Variants in SIRPG observed in about 807,000 individuals in gnomAD.
SIRPG encodes the protein signal-regulatory protein gamma.
In SIRPG, 38 loss-of-function variants were observed where a neutral mutation model predicts 35.7. The observed-to-expected ratio is 1.06, with a 90% confidence interval of 0.82 to 1.40. SIRPG has a LOEUF of 1.40. Among genes scored for constraint, SIRPG ranks in the 40% most tolerant of loss-of-function variants. SIRPG has a pLI of 0.00. For missense variants in SIRPG, 519 were observed against 483.0 expected (o/e 1.07, Z -0.70); for synonymous variants, 215 against 190.4 (o/e 1.13, Z -1.06).
rs547683741 is a variant in SIRPG at position 1,634,905 on chromosome 20, T to C, written c.1081+362A>G. ...AAAAATACAAAAAATTAGTCGGGCG[T>C]GGTGGCGGGCGCCTGTAGTCCCAGC... On this transcript the variant is annotated intron_variant, in intron 4 of 5. Transcript: ENST00000303415. 5.3e-4 allele frequency among the ~76,000 whole-genome samples: 80 copies of C among 151,406 alleles called. 2 individuals carry two copies. Among genetic ancestry groups the C allele is most frequent in the African/African-American group, 1.7e-3 (72 of 41,328 alleles).
At chr20:1,672,381 G>A in the SIRPG span, among the ~76,000 whole-genome samples, 1 of 152,090 alleles carries the variant, frequency 6.6e-6, no homozygotes, top group African/African-American at 2.4e-5. Context: ...AAGTAATTAA[G>A]GCTAAAGCTT....
rs71193923 is a variant in SIRPG, at chr20:1,650,004, G to GTATATATATATATA, written c.74-610_74-597dup. ...ACTCCTGAACTCTACTTTGAAGTGT[G>GTATATATATATATA]TATATATATATATATATATATATGT... On this transcript the variant is annotated intron_variant, in intron 1 of 5. Transcript: ENST00000303415. Among the ~76,000 whole-genome samples the GTATATATATATATA allele has an allele frequency of 5.2e-4, 51 of 98,796 alleles. 1 individual carries two copies. The highest frequency in any genetic ancestry group is 1.6e-3 in the African/African-American group (41 of 25,706). 64.8% of individuals were successfully genotyped at this position (98,796 alleles called of 152,430 possible). A position where few individuals can be genotyped will look rare whatever the true frequency, so the allele number is the denominator to read the frequency against.
Position 1,636,381 on chromosome 20 carries a change from A to G in SIRPG, c.555T>C (p.Asn185=). ...PRDITLKWFK[N]GNELSDFQTN... ...TCTGGAAGTCTGAGAGCTCATTCCC[A>G]TTTTTGAACCATTTCAGGGTGATGT... The change falls in exon 3 of 6, where the codon AAT becomes AAC. Residue 185 remains asparagine (N), a synonymous_variant. Coordinates refer to ENST00000303415, the MANE Select transcript of SIRPG (RefSeq NM_018556.4). 2 of 1,614,188 alleles carry G rather than the reference A, an allele frequency of 1.2e-6. No homozygotes were observed. Among genetic ancestry groups the G allele is most frequent in the East Asian group, 2.2e-5 (1 of 44,876 alleles).
the SIRPG span, among the ~76,000 whole-genome samples, chr20:1,665,892 C>CT: frequency 2.1e-4 from 32 of 152,066 alleles, no homozygotes; most frequent in Admixed American, 2.0e-3. Context: ...AAAATCTGGT[C>CT]TTTTTTGGAT....
the SIRPG span, among the ~76,000 whole-genome samples, chr20:1,670,497 T>C: frequency 2.0e-5 from 3 of 152,194 alleles, no homozygotes; most frequent in Non-Finnish European, 4.4e-5. Flanking sequence ...GCACAACCCC[T>C]GGCATGCAGT....
chr20:1,629,673 A>G (rs1600187203), intron 5 of SIRPG, 37 bp from the exon 6 acceptor site: 1 of 153,248 alleles, frequency 6.5e-6, no homozygotes, highest in South Asian at 2.0e-4. Context: ...TCATCTGCTC[A>G]TCTTTCAAGA....
At chr20:1,670,149 G>C in the SIRPG span, 1 of 260,614 alleles carries the variant, frequency 3.8e-6, no homozygotes, top group East Asian at 1.1e-4. Context: ...GTCAGCTGTA[G>C]GTTCTAGGGG....
At chr20:1,630,079 A>G (rs1301657976) in intron 5 of SIRPG, 143 bp downstream of exon 5, 3 of 658,490 alleles carry the variant, frequency 4.6e-6, no homozygotes, top group Non-Finnish European at 8.0e-6. Context: ...GGAGCCTTTT[A>G]AAGGGTTCCC....
chr20:1,674,781 G>C, the SIRPG span, among the ~76,000 whole-genome samples: 1 of 152,144 alleles, frequency 6.6e-6, no homozygotes, highest in East Asian at 1.9e-4. Flanking sequence ...TTGATTTAGG[G>C]GTGCCTACAA....
In SIRPG at chr20:1,635,408, A is replaced by G. The variant is rs574972022; in HGVS notation, c.940T>C (p.Phe314Leu). The G allele has an allele frequency of 1.2e-6, 2 of 1,614,118 alleles. No homozygotes were observed. Among genetic ancestry groups the G allele is most frequent in the South Asian group, 2.2e-5 (2 of 91,070 alleles). The change falls in exon 4 of 6, where the codon TTC (phenylalanine) becomes CTC (leucine). Residue 314 changes from phenylalanine (F) to leucine (L), a missense_variant. Phe to Leu is a conservative substitution (Grantham distance 22). Coordinates refer to ENST00000303415, the MANE Select transcript of SIRPG (RefSeq NM_018556.4). The part of the protein sequence containing the change: ...KDGTYNWTSW[F>L]LVNISDQRDD... The stretch of plus-strand genomic sequence containing the variant: ...CTTTGGTCAGATATGTTCACCAGGA[A>G]CCAGCTTGTCCAGTTGTAGGTACCA...
At chr20:1,664,140 A>T in the SIRPG span, among the ~76,000 whole-genome samples, 1 of 152,164 alleles carries the variant, frequency 6.6e-6, no homozygotes, top group Non-Finnish European at 1.5e-5. Context: ...TTGAGCAAGA[A>T]CTCAGTTATT....
At chr20:1,644,060 G>A (rs1008568684) in intron 2 of SIRPG, among the ~76,000 whole-genome samples, 4 of 152,216 alleles carry the variant, frequency 2.6e-5, no homozygotes, top group Non-Finnish European at 5.9e-5. Flanking sequence ...GGCACGGGGA[G>A]CAGGACCCAT....
chr20:1,642,182 G>T (rs55956904), intron 2 of SIRPG, among the ~76,000 whole-genome samples: 5,103 of 152,232 alleles, frequency 0.034, 128 homozygotes, highest in Middle Eastern at 0.058. Context: ...GTCTAATATT[G>T]ACAATGGGGT....
the SIRPG span, among the ~76,000 whole-genome samples, chr20:1,681,339 A>G: frequency 2.6e-5 from 4 of 152,196 alleles, no homozygotes; most frequent in African/African-American, 9.7e-5. Flanking sequence ...CTAGATTAAG[A>G]GTGCCTGAGC....
At chr20:1,655,997 G>A (rs936654877) in intron 1 of SIRPG, among the ~76,000 whole-genome samples, 1 of 152,002 alleles carries the variant, frequency 6.6e-6, no homozygotes, top group Admixed American at 6.6e-5. Context: ...TAGTATATAA[G>A]GTTGTTTTGT....
chr20:1,649,138 C>T lies in SIRPG; in HGVS notation c.344G>A (p.Gly115Asp). ...RISSITPADV[G>D]TYYCVKFRKG... ...TCGAAACTTCACACAGTAGTATGTG[C>T]CGACATCTGCTGGGGTGATGCTACT... is the stretch of plus-strand genomic sequence containing the variant. The change falls in exon 2 of 6, where the codon GGC becomes GAC. Residue 115 changes from glycine (G) to aspartate (D), a missense_variant. Gly to Asp is a moderately conservative substitution (Grantham distance 94, BLOSUM62 -1). Transcript: ENST00000303415. 2.5e-6 allele frequency: 4 copies of T among 1,613,906 alleles called. No individual in the cohort carries two copies. Among genetic ancestry groups the T allele is most frequent in the Non-Finnish European group, 3.4e-6 (4 of 1,179,932 alleles).
At chr20:1,639,714 G>A (rs1273762243) in intron 2 of SIRPG, among the ~76,000 whole-genome samples, 1 of 152,250 alleles carries the variant, frequency 6.6e-6, no homozygotes, top group East Asian at 1.9e-4. Context: ...TGCCTGAATG[G>A]TATTGCCTAG....
the SIRPG span, among the ~76,000 whole-genome samples, chr20:1,679,643 A>G: frequency 6.6e-6 from 1 of 152,086 alleles, no homozygotes; most frequent in African/African-American, 2.4e-5. Flanking sequence ...GTTCATCTTC[A>G]TATGTCTCTC....
At chr20:1,672,962 T>C in the SIRPG span, among the ~76,000 whole-genome samples, 56 of 152,318 alleles carry the variant, frequency 3.7e-4, 1 homozygote, top group Middle Eastern at 6.8e-3. Context: ...GCACTCATCC[T>C]GCGTCCTGAA....
Sources: allele counts gnomAD v4.1 joint callset (sites outside exome capture counted in the v4.1 genomes callset), GRCh38; gene constraint gnomAD v4.1.1; transcripts MANE v1.5; gene names NCBI Gene and HGNC (gene_info 2026-07-23, HGNC 2026-07-21).